Variants in RPS6KA2 observed in about 807,000 individuals in gnomAD.
RPS6KA2 encodes the protein ribosomal protein S6 kinase alpha-2.
A neutral mutation model predicts 91.8 loss-of-function variants in RPS6KA2; 42 were observed. That is an observed-to-expected ratio of 0.46 (90% CI 0.36 to 0.59). The LOEUF (loss-of-function observed/expected upper bound fraction) is 0.59. Ranked by LOEUF, RPS6KA2 falls within the 20% of genes least tolerant of loss-of-function variation. The pLI is 0.00. For missense variants in RPS6KA2, 798 were observed against 978.5 expected (o/e 0.82, Z 2.46); for synonymous variants, 414 against 393.6 (o/e 1.05, Z -0.61).
chr6:166,511,799 T>G (rs1782485513), intron 3 of RPS6KA2, among the ~76,000 whole-genome samples: 1 of 152,178 alleles, frequency 6.6e-6, no homozygotes, highest in Non-Finnish European at 1.5e-5. Flanking sequence ...AATAGAAAAT[T>G]ACAAACTGGG....
intron 1 of RPS6KA2, among the ~76,000 whole-genome samples, chr6:166,605,915 C>T (rs545096199): frequency 1.3e-5 from 2 of 152,352 alleles, no homozygotes; most frequent in East Asian, 1.9e-4. Flanking sequence ...AAGCTCTTTA[C>T]TTTGCAGGTT....
intron 1 of RPS6KA2, chr6:166,542,207 C>T (rs558139372): frequency 6.6e-6 from 1 of 152,394 alleles, no homozygotes; most frequent in East Asian, 1.9e-4. Flanking sequence ...TGATAACGAC[C>T]CTCTCTGGAC....
intron 2 of RPS6KA2, among the ~76,000 whole-genome samples, chr6:166,679,182 G>A (rs559342005): frequency 6.6e-6 from 1 of 152,236 alleles, no homozygotes; most frequent in East Asian, 1.9e-4. Flanking sequence ...CACCGGGCGT[G>A]GTGGCTCATG....
intron 1 of RPS6KA2, among the ~76,000 whole-genome samples, chr6:166,572,252 T>C (rs2128510371): frequency 6.6e-6 from 1 of 152,376 alleles, no homozygotes; most frequent in South Asian, 2.1e-4. Flanking sequence ...TTGGAATATC[T>C]GATACAATGT....
chr6:166,762,477 G>A (rs1778203849), intron 2 of RPS6KA2, among the ~76,000 whole-genome samples: 1 of 152,170 alleles, frequency 6.6e-6, no homozygotes, highest in South Asian at 2.1e-4. Flanking sequence ...CTGGCACATG[G>A]AGTGTGTAAA....
chr6:166,619,952 C>T (rs902968449), intron 1 of RPS6KA2, among the ~76,000 whole-genome samples: 2 of 152,206 alleles, frequency 1.3e-5, no homozygotes, highest in Non-Finnish European at 2.9e-5. Context: ...AAAATCCCCC[C>T]ACTCCTCCTG....
rs1409539704 is a variant in RPS6KA2, at chr6:166,784,675, T to C, written c.123+73525A>G. On this transcript the variant is annotated intron_variant, in intron 2 of 21. Transcript: ENST00000503859. ...ACATATACACATGTGCACACCTATC[T>C]ATACCACATATATACACGTGCACAC... 5.1e-3 allele frequency among the ~76,000 whole-genome samples: 86 copies of C among 16,840 alleles called. 1 individual carries two copies. Among genetic ancestry groups the C allele is most frequent in the Non-Finnish European group, 7.2e-3 (65 of 9,074 alleles). 11.0% of individuals were successfully genotyped at this position (16,840 alleles called of 152,430 possible). A position where few individuals can be genotyped will look rare whatever the true frequency, so the allele number is the denominator to read the frequency against.
At chr6:166,778,919 T>G (rs1778695469) in intron 2 of RPS6KA2, among the ~76,000 whole-genome samples, 1 of 152,248 alleles carries the variant, frequency 6.6e-6, no homozygotes. Flanking sequence ...CCGTTGCTAT[T>G]GACTACACTG....
chr6:166,843,838 C>G (rs1780546152), intron 2 of RPS6KA2, among the ~76,000 whole-genome samples: 1 of 152,056 alleles, frequency 6.6e-6, no homozygotes, highest in African/African-American at 2.4e-5. Flanking sequence ...GAAAACAATT[C>G]TGGTAATATG....
Position 166,648,256 on chromosome 6 carries a change from ACACT to A in RPS6KA2, c.124-109476_124-109473del, listed in dbSNP as rs1250295671. Among the ~76,000 whole-genome samples the A allele has an allele frequency of 1.3e-5, 2 of 151,058 alleles. No homozygotes were observed. The highest frequency in any genetic ancestry group is 4.9e-5 in the African/African-American group (2 of 41,000). ...CACACACACATTCACACAGGCACACACACTCATGTTCATACACACGCATGCACAC... is the reference window on the plus strand; with the variant it reads ...CACACACACATTCACACAGGCACACACATGTTCATACACACGCATGCACAC... On this transcript the variant is annotated intron_variant, in intron 2 of 21. Transcript: ENST00000503859. This position sits in a 1 kb window ranked among gnomAD's most constrained non-coding sequence, Gnocchi z 4.8.
At chr6:166,856,766 A>G (rs1583183704) in intron 2 of RPS6KA2, among the ~76,000 whole-genome samples, 1 of 152,330 alleles carries the variant, frequency 6.6e-6, no homozygotes, top group East Asian at 1.9e-4. Flanking sequence ...GGGAAGGTAC[A>G]TCTTCCTTTC....
At chr6:166,762,211 C>T (rs1004200070) in intron 2 of RPS6KA2, among the ~76,000 whole-genome samples, 19 of 152,186 alleles carry the variant, frequency 1.2e-4, no homozygotes, top group African/African-American at 4.1e-4. Flanking sequence ...GGTGTCCCTG[C>T]GTCCTCCCCT....
At chr6:166,565,544 A>G (rs1784474142) in intron 1 of RPS6KA2, among the ~76,000 whole-genome samples, 1 of 152,194 alleles carries the variant, frequency 6.6e-6, no homozygotes, top group African/African-American at 2.4e-5. Context: ...CACAAGAACC[A>G]TGTGGTCCAT....
At chr6:166,438,381 G>T (rs1779411572) in intron 14 of RPS6KA2, among the ~76,000 whole-genome samples, 1 of 152,232 alleles carries the variant, frequency 6.6e-6, no homozygotes, top group African/African-American at 2.4e-5. Context: ...CCTCAGGAAG[G>T]CTGGCCCGCG....
chr6:166,561,795 C>T (rs554037046), intron 1 of RPS6KA2, among the ~76,000 whole-genome samples: 3 of 152,130 alleles, frequency 2.0e-5, no homozygotes, highest in South Asian at 2.1e-4. Context: ...CGATGGGCTG[C>T]GGGTTGGACA....
At chr6:166,681,410 C>T (rs1397060808) in intron 2 of RPS6KA2, among the ~76,000 whole-genome samples, 1 of 152,192 alleles carries the variant, frequency 6.6e-6, no homozygotes, top group Non-Finnish European at 1.5e-5. Flanking sequence ...CCACGCCCTT[C>T]TTCTAGATTC....
At chr6:166,442,865 G>A (rs111828618) in intron 14 of RPS6KA2, among the ~76,000 whole-genome samples, 62 of 152,176 alleles carry the variant, frequency 4.1e-4, no homozygotes, top group Non-Finnish European at 5.4e-4. Flanking sequence ...TAACATTTCT[G>A]TAGTGAATTA....
chr6:166,831,694 A>C (rs1002785366), intron 2 of RPS6KA2, among the ~76,000 whole-genome samples: 2 of 151,818 alleles, frequency 1.3e-5, no homozygotes, highest in East Asian at 1.9e-4. Flanking sequence ...TGAGAATAAA[A>C]ACTATAACAG....
At chr6:166,511,181 A>T (rs1351008294) in intron 3 of RPS6KA2, among the ~76,000 whole-genome samples, 1 of 152,138 alleles carries the variant, frequency 6.6e-6, no homozygotes, top group African/African-American at 2.4e-5. Flanking sequence ...TCCATGGAAA[A>T]GGTCTTCATG....
Sources: gnomAD v4.1 joint callset for allele counts (sites outside exome capture counted in the v4.1 genomes callset) on GRCh38, gnomAD v4.1.1 for gene constraint, Gnocchi (gnomAD v3.1) non-coding constraint, MANE v1.5 for transcripts, NCBI Gene and HGNC (gene_info 2026-07-23, HGNC 2026-07-21) for gene names.